Variants in MGST2 observed in about 807,000 individuals in gnomAD.
The protein encoded by MGST2 is microsomal glutathione S-transferase 2.
MGST2 carries 9 observed loss-of-function variants against 16.6 expected under a neutral mutation model. The ratio of observed to expected loss-of-function variants is 0.54; its 90% CI spans 0.33 to 0.95. The LOEUF is 0.95. MGST2 is among the 40% of genes least tolerant of loss of function. The probability of loss-of-function intolerance (pLI) is 0.03; values close to 1 mark genes in which losing one functional copy is unlikely to be tolerated. For missense variants in MGST2, 159 were observed against 175.1 expected, an observed-to-expected ratio of 0.91 and a Z score of 0.52; for synonymous variants, 79 against 68.0, an observed-to-expected ratio of 1.16 and a Z score of -0.79.
At chr4:139,752,716 C>G in the MGST2 span, among the ~76,000 whole-genome samples, 3 of 152,146 alleles carry the variant, frequency 2.0e-5, no homozygotes, top group East Asian at 5.8e-4. Context: ...TAAGAAGAAA[C>G]ATGGCCAATC....
intron 5 of MGST2, among the ~76,000 whole-genome samples, chr4:139,722,540 A>T (rs748192629): frequency 1.2e-4 from 18 of 152,326 alleles, no homozygotes; most frequent in South Asian, 4.1e-4. Context: ...GGTTAACATC[A>T]CAATGTCCAA....
intron 5 of MGST2, chr4:139,719,724 G>A (rs1261991629): frequency 1.2e-6 from 2 of 1,613,754 alleles, no homozygotes; most frequent in South Asian, 1.1e-5. Context: ...GACTGGCTCA[G>A]TCCCTGTGGG....
intron 2 of MGST2, among the ~76,000 whole-genome samples, chr4:139,693,260 C>T (rs533110254): frequency 4.1e-4 from 63 of 152,170 alleles, no homozygotes; most frequent in Non-Finnish European, 8.4e-4. Context: ...AAAAAATTAG[C>T]CGGGCGCGGT....
In MGST2 at chr4:139,730,295, A is replaced by G. The variant is rs1728647224; in HGVS notation, c.*49-9917A>G. 5.9e-6 allele frequency: 5 copies of G among 852,328 alleles called. No individual in the cohort carries two copies. The South Asian group carries it at 6.5e-5, about 11-fold the overall frequency. 52.8% of individuals were successfully genotyped at this position (852,328 alleles called of 1,614,324 possible). On this transcript the variant is annotated intron_variant, in intron 5 of 5. Transcript: ENST00000616265. The stretch of plus-strand genomic sequence containing the variant: ...TTCAGGTTCTCTTGTGATCCTGGGA[A>G]ATGCTAGACCGTGAGCATCTTGATG...
In MGST2 at chr4:139,682,872, G is replaced by GA. The variant is rs74269656; in HGVS notation, c.158+4243dup. Among the ~76,000 whole-genome samples the GA allele has an allele frequency of 3.1e-3, 409 of 130,902 alleles. 1 individual carries two copies. Among genetic ancestry groups the GA allele is most frequent in the South Asian group, 0.014 (57 of 4,124 alleles). The allele number at this position is 130,902 out of a possible 152,430, so 85.9% of individuals were successfully genotyped here. A position where few individuals can be genotyped will look rare whatever the true frequency, so the allele number is the denominator to read the frequency against. On this transcript the variant is annotated intron_variant, in intron 2 of 4. Coordinates refer to ENST00000265498, the MANE Select transcript of MGST2 (RefSeq NM_002413.5). ...ATTTATTGGATGTAAAGGAAAAAAA[G>GA]AAAAAAAAAAAAAGAAACTCAACAA...
At chr4:139,670,263 G>A (rs1023553008) in intron 1 of MGST2, among the ~76,000 whole-genome samples, 2 of 117,094 alleles carry the variant, frequency 1.7e-5, no homozygotes, top group Admixed American at 1.8e-4. Flanking sequence ...GGGGGCGGGG[G>A]GGGGGCGGTT....
intron 5 of MGST2, among the ~76,000 whole-genome samples, chr4:139,725,427 T>C (rs193007462): frequency 1.8e-4 from 27 of 152,296 alleles, no homozygotes; most frequent in Non-Finnish European, 3.1e-4. Context: ...CAGTATATCT[T>C]TACTGGTTGT....
intron 5 of MGST2, among the ~76,000 whole-genome samples, chr4:139,727,934 G>A (rs933900671): frequency 2.0e-5 from 3 of 152,162 alleles, no homozygotes; most frequent in East Asian, 3.9e-4. Flanking sequence ...ACTGAGAGCT[G>A]GCCGGGTGCC....
intron 1 of MGST2, among the ~76,000 whole-genome samples, chr4:139,670,266 GGGC>G (rs8192023): frequency 0.5 from 60,192 of 121,020 alleles, 11,151 homozygotes; most frequent in East Asian, 0.72. Context: ...GGCGGGGGGG[GGGC>G]GGTTAACAGA....
chr4:139,753,392 TGTTA>T, the MGST2 span, among the ~76,000 whole-genome samples: 3 of 140,168 alleles, frequency 2.1e-5, no homozygotes, highest in Non-Finnish European at 4.7e-5. Context: ...ATCTATTTTT[TGTTA>T]GGAGCATTTT....
At chr4:139,685,047 G>A (rs928041217) in intron 2 of MGST2, 1 of 152,352 alleles carries the variant, frequency 6.6e-6, no homozygotes, top group African/African-American at 2.4e-5. Context: ...TTTTGGTTCT[G>A]GGGTAAGGAT....
intron 5 of MGST2, among the ~76,000 whole-genome samples, chr4:139,726,943 G>A (rs1728497154): frequency 1.3e-5 from 2 of 152,260 alleles, no homozygotes; most frequent in Admixed American, 1.3e-4. Flanking sequence ...CGTGACCTTG[G>A]GGATGTTGTT....
chr4:139,736,078 C>T (rs1728931754), intron 5 of MGST2, among the ~76,000 whole-genome samples: 1 of 152,054 alleles, frequency 6.6e-6, no homozygotes, highest in South Asian at 2.1e-4. Context: ...AAAAAGGATG[C>T]CCCAGAAAAC....
chr4:139,680,002 C>T (rs1731153889), intron 2 of MGST2, among the ~76,000 whole-genome samples: 1 of 152,206 alleles, frequency 6.6e-6, no homozygotes, highest in Admixed American at 6.5e-5. Context: ...TCCCCTCTCC[C>T]TCTATCCCTA....
chr4:139,746,852 T>C, the MGST2 span, among the ~76,000 whole-genome samples: 1 of 152,202 alleles, frequency 6.6e-6, no homozygotes, highest in African/African-American at 2.4e-5. Flanking sequence ...TTCCTTCCTT[T>C]GATCAAGTAA....
chr4:139,714,688 T>C (rs763318465), intron 5 of MGST2, among the ~76,000 whole-genome samples: 2 of 152,138 alleles, frequency 1.3e-5, no homozygotes, highest in African/African-American at 4.8e-5. Context: ...GGCAAGATGG[T>C]CGCCCTGAGT....
At chr4:139,670,249 G>A (rs148125800) in intron 1 of MGST2, among the ~76,000 whole-genome samples, 1,364 of 62,092 alleles carry the variant, frequency 0.022, 14 homozygotes, top group Middle Eastern at 0.049. Context: ...GATTTCCTTC[G>A]GTGGGGGGCG....
At chr4:139,732,638 TA>T (rs201209625) in intron 5 of MGST2, among the ~76,000 whole-genome samples, 27 of 149,028 alleles carry the variant, frequency 1.8e-4, no homozygotes, top group Admixed American at 3.3e-4. Context: ...AACTTAAAAT[TA>T]AAAAAAAAAT....
downstream of MGST2, among the ~76,000 whole-genome samples, chr4:139,707,741 C>T (rs1209654313): frequency 2.0e-5 from 3 of 152,070 alleles, no homozygotes; most frequent in Admixed American, 6.5e-5. Flanking sequence ...TTTGAATGAT[C>T]GCCATTCTAA....
Sources: gnomAD v4.1 joint callset for allele counts (sites outside exome capture counted in the v4.1 genomes callset) on GRCh38, gnomAD v4.1.1 for gene constraint, MANE v1.5 for transcripts, NCBI Gene and HGNC (gene_info 2026-07-23, HGNC 2026-07-21) for gene names.